Variants in NEK11 observed in about 807,000 individuals in gnomAD.
The protein encoded by NEK11 is NIMA related kinase 11.
In NEK11, 72 loss-of-function variants were observed where a neutral mutation model predicts 80.7. The observed-to-expected ratio is 0.89, with a 90% CI of 0.74 to 1.08. NEK11 has a LOEUF of 1.08. NEK11 is among the 50% of genes least tolerant of loss of function. The pLI is 0.00. For missense variants in NEK11, 764 were observed against 763.6 expected (o/e 1.00, Z -0.01); for synonymous variants, 251 against 260.7 (o/e 0.96, Z 0.36).
chr3:131,186,651 T>C (rs1459697354), intron 14 of NEK11, among the ~76,000 whole-genome samples: 1 of 152,192 alleles, frequency 6.6e-6, no homozygotes. Context: ...CTATTTTCTC[T>C]AAGTACATTA....
chr3:131,169,089 G>T, intron 13 of NEK11, 152 bp downstream of exon 13: 1 of 549,820 alleles, frequency 1.8e-6, no homozygotes, highest in Admixed American at 3.5e-5. Context: ...AGCTGAAAAA[G>T]ATGAAATAAA....
chr3:131,315,732 A>G (rs1202655724), intron 17 of NEK11, among the ~76,000 whole-genome samples: 2 of 151,308 alleles, frequency 1.3e-5, no homozygotes, highest in African/African-American at 4.9e-5. Flanking sequence ...GACAGGCCCC[A>G]GTGTGTGTTG....
chr3:131,303,862 G>T (rs2096691548), intron 17 of NEK11, among the ~76,000 whole-genome samples: 1 of 152,146 alleles, frequency 6.6e-6, no homozygotes, highest in African/African-American at 2.4e-5. Flanking sequence ...TCTCACAAGG[G>T]TTCTCTGCAC....
intron 4 of NEK11, among the ~76,000 whole-genome samples, chr3:131,085,368 C>T (rs2075836404): frequency 6.6e-6 from 1 of 152,048 alleles, no homozygotes; most frequent in Admixed American, 6.6e-5. Context: ...GTGTCAGATA[C>T]AATTATAGTC....
intron 14 of NEK11, among the ~76,000 whole-genome samples, chr3:131,178,863 ATTATC>A (rs2093192592): frequency 6.6e-6 from 1 of 152,122 alleles, no homozygotes; most frequent in Non-Finnish European, 1.5e-5. Flanking sequence ...TAGTTTAATT[ATTATC>A]TTATGGGACC....
intron 5 of NEK11, among the ~76,000 whole-genome samples, chr3:131,125,203 G>A (rs932349491): frequency 2.6e-5 from 4 of 152,058 alleles, no homozygotes; most frequent in Non-Finnish European, 4.4e-5. Flanking sequence ...TTGAGTTTCT[G>A]CCCATTTGTG....
intron 17 of NEK11, 105 bp from the exon 18 acceptor site, chr3:131,349,452 A>T: frequency 2.1e-6 from 2 of 967,388 alleles, no homozygotes; most frequent in Admixed American, 5.3e-5. Context: ...TTTTTTCTAA[A>T]TCCCAGAATG....
At chr3:131,197,351 G>A (rs1174767041) in intron 14 of NEK11, among the ~76,000 whole-genome samples, 3 of 152,168 alleles carry the variant, frequency 2.0e-5, no homozygotes, top group African/African-American at 7.2e-5. Flanking sequence ...CGGAGCATGG[G>A]CTAGCAGGCC....
chr3:131,127,414 T>C (rs980351226), intron 5 of NEK11, among the ~76,000 whole-genome samples: 1 of 151,784 alleles, frequency 6.6e-6, no homozygotes, highest in Admixed American at 6.6e-5. Context: ...TAAAATTTTG[T>C]TTCAGTTTTA....
intron 14 of NEK11, among the ~76,000 whole-genome samples, chr3:131,219,614 C>T (rs1283475798): frequency 6.6e-6 from 1 of 151,622 alleles, no homozygotes; most frequent in African/African-American, 2.4e-5. Context: ...TATGCATGCA[C>T]AGAGGATGAC....
At chr3:131,055,111 G>A (rs1036800936) in intron 3 of NEK11, among the ~76,000 whole-genome samples, 3 of 152,124 alleles carry the variant, frequency 2.0e-5, no homozygotes, top group Admixed American at 6.5e-5. Context: ...GGCAGGAAGG[G>A]TGTCACTTTG....
intron 17 of NEK11, chr3:131,328,918 CTG>C (rs1015752708): frequency 1.3e-5 from 2 of 152,214 alleles, no homozygotes; most frequent in East Asian, 1.9e-4. Flanking sequence ...TTGAGGGACT[CTG>C]GAGTCGTCCT....
At chr3:131,325,118 T>C (rs948802640) in intron 17 of NEK11, 6 of 152,188 alleles carry the variant, frequency 3.9e-5, no homozygotes, top group African/African-American at 1.2e-4. Flanking sequence ...CCAGCAGATT[T>C]ATTAATAAAA....
chr3:131,290,746 C>T (rs1198530526), intron 17 of NEK11, among the ~76,000 whole-genome samples: 1 of 152,156 alleles, frequency 6.6e-6, no homozygotes, highest in Non-Finnish European at 1.5e-5. Flanking sequence ...CAGATAACTG[C>T]CTACTGGAAA....
chr3:131,037,371 T>A (rs1173419125), intron 3 of NEK11, among the ~76,000 whole-genome samples: 1 of 151,380 alleles, frequency 6.6e-6, no homozygotes, highest in African/African-American at 2.4e-5. Context: ...GCAGCCTCCA[T>A]CTCCCAGTTT....
At chr3:131,176,874 A>C (rs2093048887) in intron 14 of NEK11, among the ~76,000 whole-genome samples, 2 of 152,200 alleles carry the variant, frequency 1.3e-5, no homozygotes, top group African/African-American at 4.8e-5. Flanking sequence ...ATCATATAGT[A>C]GTTATTATAC....
At chr3:131,086,445 T>G (rs1445905083) in intron 4 of NEK11, among the ~76,000 whole-genome samples, 1 of 152,230 alleles carries the variant, frequency 6.6e-6, no homozygotes, top group Non-Finnish European at 1.5e-5. Context: ...CAGTTATTTA[T>G]TTATATTAGT....
At chr3:131,129,813 ATACTG>A (rs1408642784) in intron 5 of NEK11, among the ~76,000 whole-genome samples, 1 of 152,086 alleles carries the variant, frequency 6.6e-6, no homozygotes, top group Admixed American at 6.6e-5. Context: ...TTTCTCTCCA[ATACTG>A]TACTGTCTTA....
intron 17 of NEK11, among the ~76,000 whole-genome samples, chr3:131,336,693 A>G (rs2097190721): frequency 2.0e-5 from 3 of 152,210 alleles, no homozygotes; most frequent in Admixed American, 2.0e-4. Flanking sequence ...CCTACAAAAT[A>G]GGAGAAAATT....
Sources: gnomAD v4.1 joint callset for allele counts (sites outside exome capture counted in the v4.1 genomes callset) on GRCh38, gnomAD v4.1.1 for gene constraint, MANE v1.5 for transcripts, NCBI Gene and HGNC (gene_info 2026-07-23, HGNC 2026-07-21) for gene names.